The following MICAL3 variants were observed in gnomAD, a reference collection of about 807,000 sequenced individuals.
MICAL3 encodes microtubule associated monooxygenase, calponin and LIM domain containing 3.
In MICAL3, 62 loss-of-function variants were observed where a neutral mutation model predicts 207.4. The observed-to-expected ratio is 0.30, with a 90% CI of 0.24 to 0.37. The LOEUF is 0.37. Ranked by LOEUF, MICAL3 falls within the 10% of genes least tolerant of loss-of-function variation. The pLI is 1.00. For missense variants in MICAL3, 2,368 were observed against 2,635.6 expected (o/e 0.90, Z 2.22); for synonymous variants, 1,077 against 1,069.3 (o/e 1.01, Z -0.14).
intron 1 of MICAL3, among the ~76,000 whole-genome samples, chr22:17,974,723 TAAAAAAA>T (rs5844339): frequency 1.9e-5 from 2 of 106,130 alleles, no homozygotes; most frequent in South Asian, 3.3e-4. Flanking sequence ...GACTCCGTCT[TAAAAAAA>T]AAAAAAAAAA....
intron 22 of MICAL3, chr22:17,826,572 G>A (rs1414521817): frequency 5.6e-6 from 5 of 893,822 alleles, no homozygotes; most frequent in African/African-American, 1.8e-5. Flanking sequence ...CGTTCCCAAC[G>A]AGGAGAGCCA....
intron 1 of MICAL3, among the ~76,000 whole-genome samples, chr22:17,982,363 T>C (rs916057780): frequency 6.6e-6 from 1 of 152,196 alleles, no homozygotes; most frequent in African/African-American, 2.4e-5. Context: ...TTTTAAAAAC[T>C]CAGCATACGC....
At chr22:17,997,021 T>A (rs1922358977) in intron 1 of MICAL3, among the ~76,000 whole-genome samples, 1 of 150,568 alleles carries the variant, frequency 6.6e-6, no homozygotes, top group African/African-American at 2.4e-5. Context: ...TCTCTTTGAT[T>A]CTCTCTGTCC....
chr22:17,928,393 T>A (rs911793775), intron 1 of MICAL3, among the ~76,000 whole-genome samples: 1 of 150,160 alleles, frequency 6.7e-6, no homozygotes, highest in Non-Finnish European at 1.5e-5. Context: ...GAGCCAAGAT[T>A]GCACCACTGC....
At chr22:17,844,973 C>T (rs1183458965) in intron 19 of MICAL3, among the ~76,000 whole-genome samples, 2 of 152,182 alleles carry the variant, frequency 1.3e-5, no homozygotes, top group Non-Finnish European at 1.5e-5. Flanking sequence ...CCTTCCTTCT[C>T]CTCATCAAAA....
intron 17 of MICAL3, 105 bp from the exon 18 acceptor site, chr22:17,866,117 G>C: frequency 1.2e-6 from 1 of 851,752 alleles, no homozygotes; most frequent in East Asian, 2.6e-5. Flanking sequence ...AGCCTCACAA[G>C]GCCATCAAGC....
chr22:17,821,465 C>A lies in MICAL3; in HGVS notation c.3493G>T (p.Ala1165Ser), dbSNP rs779450964. 8 of 1,545,922 alleles carry A rather than the reference C, an allele frequency of 5.2e-6. No individual in the cohort carries two copies. In the South Asian group the frequency reaches 9.6e-5, roughly 19 times the overall value. Reference sequence around the variant, plus strand: ...CTGTGGACTGGAATGAACAGAAGAGCTGATTCCTGGGGAGACCGGATGGGG... The same window carrying A: ...CTGTGGACTGGAATGAACAGAAGAGATGATTCCTGGGGAGACCGGATGGGG... ...TSPIRSPQESALLFIPVHSPS... is the reference protein window; with the variant it reads ...TSPIRSPQESSLLFIPVHSPS... Residue 1165 changes from alanine (A) to serine (S), a missense_variant, in exon 25 of 32, where the codon GCT becomes TCT. By Grantham distance (99) the Ala-to-Ser change is moderately conservative. Coordinates refer to ENST00000441493, the MANE Select transcript of MICAL3 (RefSeq NM_015241.3).
chr22:17,896,691 C>T, intron 8 of MICAL3, 33 bp downstream of exon 8: 2 of 1,604,474 alleles, frequency 1.2e-6, no homozygotes, highest in Non-Finnish European at 1.7e-6. Context: ...ATTCCTGCCC[C>T]TACCACAGAG....
rs1602183289 is a variant in MICAL3, at chr22:17,902,135, G to A, written c.590-156C>T. The stretch of plus-strand genomic sequence containing the variant: ...AGACAGAGGCTGTGCACGGTGGCTC[G>A]TGCCTCTAATCCCAGCACTATGCGA... On this transcript the variant is annotated intron_variant, in intron 4 of 31. Coordinates refer to ENST00000441493, the MANE Select transcript of MICAL3 (RefSeq NM_015241.3). This position sits in a 1 kb window ranked among gnomAD's most constrained non-coding sequence, Gnocchi z 4.5. Among the ~76,000 whole-genome samples the A allele has an allele frequency of 6.6e-6, 1 of 152,170 alleles. No individual in the cohort carries two copies. The highest frequency in any genetic ancestry group is 1.5e-5 in the Non-Finnish European group (1 of 68,024).
intron 1 of MICAL3, among the ~76,000 whole-genome samples, chr22:17,931,611 G>A (rs1226400967): frequency 6.6e-6 from 1 of 152,202 alleles, no homozygotes; most frequent in South Asian, 2.1e-4. Flanking sequence ...TGAAGGGACA[G>A]ACTGACAGAA....
chr22:17,917,383 C>G (rs536733412), intron 1 of MICAL3, among the ~76,000 whole-genome samples: 1 of 152,266 alleles, frequency 6.6e-6, no homozygotes, highest in East Asian at 1.9e-4. Context: ...AAACCTTGCC[C>G]CCGTCTGCAT....
chr22:17,942,619 T>C (rs1933864069), intron 1 of MICAL3, among the ~76,000 whole-genome samples: 2 of 152,184 alleles, frequency 1.3e-5, no homozygotes, highest in South Asian at 4.1e-4. Flanking sequence ...AAAGGGAGCT[T>C]CCTGTAGGGG....
rs759861345 is a variant in MICAL3 at position 17,817,627 on chromosome 22, G to C, written c.5034C>G (p.Asp1678Glu). 1.1e-5 allele frequency: 17 copies of C among 1,612,916 alleles called. No homozygotes were observed. The African/African-American group carries it at 2.3e-4, about 22-fold the overall frequency. Residue 1678 changes from aspartate (D) to glutamate (E), a missense_variant, in exon 26 of 32, where the codon GAC (aspartate) becomes GAG (glutamate). Transcript: ENST00000441493. The stretch of plus-strand genomic sequence containing the variant: ...TGAAAGAGCCATCTGGGCCCCCTGA[G>C]TCCGACGGCGGGGAGAGGACCTCCT... ...TSEEVLSPPSDSGGPDGSFTS... is the reference protein window; with the variant it reads ...TSEEVLSPPSESGGPDGSFTS...
Position 17,928,128 on chromosome 22 carries a change from G to A in MICAL3, c.-74-21242C>T, listed in dbSNP as rs902074928. 6.2e-4 allele frequency among the ~76,000 whole-genome samples: 95 copies of A among 152,090 alleles called. 1 individual carries two copies. Among genetic ancestry groups the A allele is most frequent in the African/African-American group, 2.2e-3 (92 of 41,414 alleles). ...CTGCAGGAACGCTACCTGATGCGAG[G>A]AATAGTACTGTTAGAAACACCTGTC... On this transcript the variant is annotated intron_variant, in intron 1 of 31. Coordinates refer to ENST00000441493, the MANE Select transcript of MICAL3 (RefSeq NM_015241.3).
intron 1 of MICAL3, among the ~76,000 whole-genome samples, chr22:17,995,491 A>ATTTT (rs138357470): frequency 6.4e-5 from 5 of 77,594 alleles, no homozygotes; most frequent in Admixed American, 1.7e-4. Context: ...CTTTTCTTTA[A>ATTTT]TTTTTTTTTT....
At chr22:17,802,633 C>T (rs746340900) in intron 29 of MICAL3, among the ~76,000 whole-genome samples, 1 of 152,132 alleles carries the variant, frequency 6.6e-6, no homozygotes, top group Non-Finnish European at 1.5e-5. Flanking sequence ...GTGAGAGCCC[C>T]GCCTTGGACG....
chr22:17,993,767 C>A (rs1301250448), intron 1 of MICAL3, among the ~76,000 whole-genome samples: 1 of 152,134 alleles, frequency 6.6e-6, no homozygotes, highest in African/African-American at 2.4e-5. Flanking sequence ...CCTCTCCTGG[C>A]ACTTCAGAGA....
At chr22:17,884,215 G>A in intron 16 of MICAL3, 1 of 1,218,504 alleles carries the variant, frequency 8.2e-7, no homozygotes, top group East Asian at 2.6e-5. Flanking sequence ...GCTGGCTCAG[G>A]AGGAGGGGTA....
intron 16 of MICAL3, among the ~76,000 whole-genome samples, chr22:17,873,360 C>T (rs1280205659): frequency 2.0e-5 from 3 of 152,262 alleles, no homozygotes; most frequent in Admixed American, 1.3e-4. Flanking sequence ...GTGTGGGTAG[C>T]GCACGTCGCC....
Sources: allele counts gnomAD v4.1 joint callset (sites outside exome capture counted in the v4.1 genomes callset), GRCh38; gene constraint gnomAD v4.1.1; non-coding constraint Gnocchi (gnomAD v3.1); transcripts MANE v1.5; gene names NCBI Gene and HGNC (gene_info 2026-07-23, HGNC 2026-07-21).